ALG14: variants seen among roughly 807,000 people sequenced by gnomAD.
ALG14 encodes ALG14 UDP-N-acetylglucosaminyltransferase subunit.
A neutral mutation model predicts 22.8 loss-of-function variants in ALG14; 17 were observed. That is an observed-to-expected ratio of 0.75 (90% CI 0.51 to 1.12). The LOEUF is 1.12. ALG14 is among the 50% of genes most tolerant of loss of function. The pLI, the probability that ALG14 is intolerant of heterozygous loss-of-function variation, is 0.00. For synonymous variants in ALG14, 89 were observed against 103.7 expected, an observed-to-expected ratio of 0.86 and a Z score of 0.86; for missense variants, 288 against 271.8, an observed-to-expected ratio of 1.06 and a Z score of -0.42.
intron 1 of ALG14, among the ~76,000 whole-genome samples, chr1:95,072,262 G>C (rs1473767088): frequency 6.6e-6 from 1 of 152,172 alleles, no homozygotes; most frequent in African/African-American, 2.4e-5. Flanking sequence ...TTACCTGACA[G>C]GTCAGTGTGT....
rs1156525496 is a variant in ALG14, at chr1:94,989,984, GAGTC to G, written c.421-6682_421-6679del. ...TAAAAGCACTGGACCATGGGCATAGGAGTCAGACAGGGCAAAACATGGATGGCGA... is the reference window on the plus strand; with the variant it reads ...TAAAAGCACTGGACCATGGGCATAGGAGACAGGGCAAAACATGGATGGCGA... On this transcript the variant is annotated intron_variant, in intron 3 of 3. Transcript: ENST00000370205. Among the ~76,000 whole-genome samples the G allele has an allele frequency of 7.9e-5, 12 of 152,296 alleles. No individual in the cohort carries two copies. The South Asian group carries it at 2.3e-3, about 29-fold the overall frequency.
intron 2 of ALG14, among the ~76,000 whole-genome samples, chr1:95,033,694 A>G (rs941244057): frequency 3.9e-5 from 6 of 152,062 alleles, no homozygotes; most frequent in African/African-American, 1.4e-4. Flanking sequence ...GGCTGCCCCC[A>G]TGTTTCCTTC....
Position 94,983,305 on chromosome 1 carries a change from A to G in ALG14, c.422T>C (p.Val141Ala), listed in dbSNP as rs139005007. The G allele has an allele frequency of 1.2e-6, 2 of 1,612,372 alleles. No homozygotes were observed. Among genetic ancestry groups the G allele is most frequent in the African/African-American group, 2.7e-5 (2 of 74,828 alleles). ...ACATGTTCCTGGTCCGTTACACAAC[A>G]CCTGAAAGAAAAAGTTGAAGGTCAA... ...PLIHRVKPDLVLCNGPGTCVP... is the reference protein window; with the variant it reads ...PLIHRVKPDLALCNGPGTCVP... The change falls in exon 4 of 4, where the codon GTG becomes GCG. Residue 141 changes from valine (V) to alanine (A), a missense_variant and splice_region_variant. Val to Ala is a moderately conservative substitution (Grantham distance 64). Coordinates refer to ENST00000370205, the MANE Select transcript of ALG14 (RefSeq NM_144988.4).
In ALG14 at chr1:95,072,798, C is replaced by A. The variant is rs566569103; in HGVS notation, c.101G>T (p.Arg34Leu). 6.2e-7 allele frequency: 1 copy of A among 1,614,162 alleles called. No homozygotes were observed. Among genetic ancestry groups the A allele is most frequent in the East Asian group, 2.2e-5 (1 of 44,872 alleles). Residue 34 changes from arginine (R) to leucine (L), a missense_variant, in exon 1 of 4, where the codon CGG becomes CTG. Coordinates refer to ENST00000370205, the MANE Select transcript of ALG14 (RefSeq NM_144988.4). ...CACTACCAAGATACTGAGAGACTCC[C>A]GGGGCGTAACGTCCATGGAACGAAG... ...VVLRSMDVTP[R>L]ESLSILVVAG...
intron 3 of ALG14, among the ~76,000 whole-genome samples, chr1:94,999,284 T>TAA (rs34508503): frequency 8.9e-6 from 1 of 112,456 alleles, no homozygotes; most frequent in South Asian, 2.8e-4. Flanking sequence ...TCCACAAAGT[T>TAA]AAAAAAAAAA....
chr1:95,031,227 C>T (rs995861368), intron 2 of ALG14, among the ~76,000 whole-genome samples: 2 of 152,168 alleles, frequency 1.3e-5, no homozygotes, highest in Admixed American at 6.5e-5. Flanking sequence ...CATGGTTATC[C>T]ACAGGGTAGG....
At chr1:95,057,546 G>C (rs79779992) in intron 2 of ALG14, among the ~76,000 whole-genome samples, 6,927 of 150,952 alleles carry the variant, frequency 0.046, 211 homozygotes, top group South Asian at 0.083. Context: ...GCGGATTTTG[G>C]CATCCGTGCA....
intron 3 of ALG14, among the ~76,000 whole-genome samples, chr1:95,000,467 C>T (rs1224480532): frequency 1.5e-5 from 2 of 137,732 alleles, no homozygotes; most frequent in African/African-American, 5.6e-5. Context: ...GCCTGAGAGG[C>T]AGAAGTTGCA....
intron 2 of ALG14, among the ~76,000 whole-genome samples, chr1:95,039,853 G>C (rs1256142576): frequency 6.6e-6 from 1 of 152,066 alleles, no homozygotes; most frequent in Non-Finnish European, 1.5e-5. Context: ...CTCGCTTGAC[G>C]TTGACAAGTC....
intron 3 of ALG14, among the ~76,000 whole-genome samples, chr1:95,011,336 CAG>C (rs1673354872): frequency 6.6e-6 from 1 of 152,138 alleles, no homozygotes; most frequent in Non-Finnish European, 1.5e-5. Flanking sequence ...GTCTATGAAC[CAG>C]AGAGTGGACT....
intron 2 of ALG14, among the ~76,000 whole-genome samples, chr1:95,031,677 C>A (rs1049161985): frequency 1.3e-5 from 2 of 151,542 alleles, no homozygotes; most frequent in Non-Finnish European, 2.9e-5. Flanking sequence ...TCCCCACGTA[C>A]ACATATTCTT....
intron 2 of ALG14, chr1:95,061,507 G>C (rs551502281): frequency 6.6e-6 from 1 of 152,144 alleles, no homozygotes; most frequent in South Asian, 2.1e-4. Context: ...GAGAGTGTGC[G>C]TATGTCACAA....
chr1:95,005,744 T>C (rs1188040268), intron 3 of ALG14, among the ~76,000 whole-genome samples: 2 of 152,148 alleles, frequency 1.3e-5, no homozygotes, highest in Non-Finnish European at 2.9e-5. Context: ...CATGGAGCAG[T>C]AGATAAGGGG....
intron 3 of ALG14, among the ~76,000 whole-genome samples, chr1:95,026,730 A>C (rs1673832121): frequency 6.6e-6 from 1 of 152,126 alleles, no homozygotes; most frequent in Non-Finnish European, 1.5e-5. Context: ...GGAGTTCAAG[A>C]CCAGCCTGGA....
intron 2 of ALG14, among the ~76,000 whole-genome samples, chr1:95,042,345 GTTC>G: frequency 6.6e-6 from 1 of 151,844 alleles, no homozygotes; most frequent in South Asian, 2.1e-4. Context: ...CAGTTTGAAA[GTTC>G]TTCTGGTCTT....
At position 94,977,458 on chromosome 1, in the gene ALG14, G is replaced by GA. The variant is rs1050686657; in HGVS notation, c.*5617dup. The GA allele has an allele frequency of 1.3e-5, 2 of 152,170 alleles. No individual in the cohort carries two copies. The highest frequency in any genetic ancestry group is 2.4e-5 in the African/African-American group (1 of 41,454). The allele number at this position is 152,170 out of a possible 1,614,324, so 9.4% of individuals were successfully genotyped here. On this transcript the variant is annotated 3_prime_UTR_variant, in exon 4 of 4. Transcript: ENST00000370205. ...AAAACTATTTTCATAGTAATATTAA[G>GA]ATGTTATTTGCCTTTTCCTTGTCAT...
intron 3 of ALG14, among the ~76,000 whole-genome samples, chr1:94,985,821 C>T (rs1381978851): frequency 2.6e-5 from 4 of 151,644 alleles, no homozygotes; most frequent in Admixed American, 6.6e-5. Flanking sequence ...CTCTTGCATC[C>T]GTATATTTGG....
At chr1:95,055,327 A>G (rs573534546) in intron 2 of ALG14, among the ~76,000 whole-genome samples, 83 of 152,360 alleles carry the variant, frequency 5.4e-4, no homozygotes, top group African/African-American at 1.9e-3. Context: ...ATTAGAATCT[A>G]GTAAGTAGAT....
At chr1:95,030,771 G>T (rs1003097946) in intron 2 of ALG14, among the ~76,000 whole-genome samples, 1 of 152,158 alleles carries the variant, frequency 6.6e-6, no homozygotes, top group African/African-American at 2.4e-5. Flanking sequence ...AGACCTGGAC[G>T]TGGAAGAAAG....
Sources: gnomAD v4.1 joint callset for allele counts (sites outside exome capture counted in the v4.1 genomes callset) on GRCh38, gnomAD v4.1.1 for gene constraint, MANE v1.5 for transcripts, NCBI Gene and HGNC (gene_info 2026-07-23, HGNC 2026-07-21) for gene names.